The following HINT3 variants were observed in gnomAD, a reference collection of about 807,000 sequenced individuals.
The protein encoded by HINT3 is adenosine 5'-monophosphoramidase HINT3.
A neutral mutation model predicts 19.1 loss-of-function variants in HINT3; 16 were observed. That is an observed-to-expected ratio of 0.84 (90% CI 0.57 to 1.27). HINT3 has a LOEUF of 1.27. HINT3 is among the 50% of genes most tolerant of loss of function. HINT3 has a pLI of 0.00. For synonymous variants in HINT3, 75 were observed against 84.8 expected (o/e 0.88, Z 0.63); for missense variants, 197 against 225.8 (o/e 0.87, Z 0.82).
intron 1 of HINT3, among the ~76,000 whole-genome samples, chr6:125,963,030 C>T (rs1187799375): frequency 6.6e-6 from 1 of 152,166 alleles, no homozygotes; most frequent in Non-Finnish European, 1.5e-5. Context: ...GGAAATAACT[C>T]AGTGCCAATT....
intron 2 of HINT3, among the ~76,000 whole-genome samples, chr6:125,970,494 G>C (rs1789081983): frequency 6.6e-6 from 1 of 152,114 alleles, no homozygotes; most frequent in Non-Finnish European, 1.5e-5. Flanking sequence ...ATCAAATATT[G>C]CTAATTTTGA....
chr6:125,961,736 A>G (rs1056619958), intron 1 of HINT3, among the ~76,000 whole-genome samples: 2 of 151,918 alleles, frequency 1.3e-5, no homozygotes, highest in African/African-American at 2.4e-5. Flanking sequence ...AGCTCTCTAA[A>G]CTCTGTTCTC....
At chr6:125,970,895 GC>G (rs1313046025) in intron 2 of HINT3, among the ~76,000 whole-genome samples, 1 of 152,156 alleles carries the variant, frequency 6.6e-6, no homozygotes, top group Non-Finnish European at 1.5e-5. Context: ...GTAATTTGGA[GC>G]TTTTTTTTGG....
rs1426413425 is a variant in HINT3, at chr6:125,979,102, G to A, written c.*1426G>A. The stretch of plus-strand genomic sequence containing the variant: ...CTGAGTATTCAAGACTGAATGTTAG[G>A]CAGGTAGACAGTGACTGGTTAGGCT... On this transcript the variant is annotated 3_prime_UTR_variant, in exon 5 of 5. Coordinates refer to ENST00000229633, the MANE Select transcript of HINT3 (RefSeq NM_138571.5). The A allele has an allele frequency of 6.6e-6, 1 of 152,170 alleles. No homozygotes were observed. The highest frequency in any genetic ancestry group is 2.4e-5 in the African/African-American group (1 of 41,434). The allele number at this position is 152,170 out of a possible 1,614,324, so 9.4% of individuals were successfully genotyped here. A position where few individuals can be genotyped will look rare whatever the true frequency, so the allele number is the denominator to read the frequency against.
intron 2 of HINT3, among the ~76,000 whole-genome samples, chr6:125,971,834 C>T (rs543693658): frequency 1.3e-5 from 2 of 151,362 alleles, no homozygotes; most frequent in East Asian, 3.9e-4. Flanking sequence ...CTCAGCCTCC[C>T]GAGTAGCTGG....
chr6:125,974,976 G>T lies in HINT3; in HGVS notation c.516+3G>T. On this transcript the variant is annotated splice_donor_region_variant and intron_variant, in intron 4 of 4. Coordinates refer to ENST00000229633, the MANE Select transcript of HINT3 (RefSeq NM_138571.5). ...TCAATTCCTATTGGTTTATCACAGT[G>T]AGTATTCTTGTTATGTCAGCAGCAT... 6.2e-7 allele frequency: 1 copy of T among 1,612,848 alleles called. No individual in the cohort carries two copies. The highest frequency in any genetic ancestry group is 1.3e-5 in the African/African-American group (1 of 74,962).
In HINT3 at chr6:125,964,799, G is replaced by A. The variant is rs182555562; in HGVS notation, c.202-2088G>A. Among the ~76,000 whole-genome samples, 61 of 151,336 alleles carry A rather than the reference G, an allele frequency of 4.0e-4. 1 individual carries two copies. Among genetic ancestry groups the A allele is most frequent in the Admixed American group, 3.6e-3 (54 of 15,168 alleles). On this transcript the variant is annotated intron_variant, in intron 1 of 4. Coordinates refer to ENST00000229633, the MANE Select transcript of HINT3 (RefSeq NM_138571.5). The stretch of plus-strand genomic sequence containing the variant: ...ACAATCATTTCATATTTTTGCCAGC[G>A]TATCTATGGAATAGGAGGATCATTT...
intron 1 of HINT3, among the ~76,000 whole-genome samples, chr6:125,958,682 C>G (rs1024985742): frequency 1.1e-4 from 17 of 152,150 alleles, no homozygotes; most frequent in African/African-American, 4.1e-4. Context: ...CAATTTTGCC[C>G]TCCCAGGGTA....
Position 125,970,726 on chromosome 6 carries a change from T to A in HINT3, c.320-1533T>A, listed in dbSNP as rs892655168. Among the ~76,000 whole-genome samples the A allele has an allele frequency of 2.6e-5, 4 of 152,310 alleles. No homozygotes were observed. The East Asian group carries it at 5.8e-4, about 22-fold the overall frequency. On this transcript the variant is annotated intron_variant, in intron 2 of 4. Coordinates refer to ENST00000229633, the MANE Select transcript of HINT3 (RefSeq NM_138571.5). ...ACTTAAATACAGCATACATGTTTTT[T>A]AAAAAGCATATGTTCACCAAAGTTG...
At chr6:125,973,235 C>CTGGCTAGCTTTTGTA (rs1789134470) in intron 3 of HINT3, among the ~76,000 whole-genome samples, 1 of 151,704 alleles carries the variant, frequency 6.6e-6, no homozygotes, top group African/African-American at 2.4e-5. Context: ...GCCACCATGC[C>CTGGCTAGCTTTTGTA]TGGCTAGCTT....
intron 1 of HINT3, among the ~76,000 whole-genome samples, chr6:125,962,215 T>C (rs548641764): frequency 0.057 from 1,214 of 21,164 alleles, 78 homozygotes; most frequent in East Asian, 0.22. Context: ...TATATACACA[T>C]ATATATATAT....
At position 125,979,934 on chromosome 6, in the gene HINT3, C is replaced by T. The variant is rs1225412230; in HGVS notation, c.*2258C>T. The T allele has an allele frequency of 6.6e-6, 1 of 152,234 alleles. No homozygotes were observed. Among genetic ancestry groups the T allele is most frequent in the African/African-American group, 2.4e-5 (1 of 41,436 alleles). The allele number at this position is 152,234 out of a possible 1,614,324, so 9.4% of individuals were successfully genotyped here. A position where few individuals can be genotyped will look rare whatever the true frequency, so the allele number is the denominator to read the frequency against. Reference sequence around the variant, plus strand: ...GCGTTCAGGGTGGTATGGCCGTAGACAACCTATTTGTTAAAAACCCTTGGA... The same window carrying T: ...GCGTTCAGGGTGGTATGGCCGTAGATAACCTATTTGTTAAAAACCCTTGGA... On this transcript the variant is annotated 3_prime_UTR_variant, in exon 5 of 5. Transcript: ENST00000229633.
intron 4 of HINT3, among the ~76,000 whole-genome samples, chr6:125,977,352 A>G (rs1015344505): frequency 1.3e-5 from 2 of 152,116 alleles, no homozygotes; most frequent in Non-Finnish European, 2.9e-5. Flanking sequence ...ACTTAGTAAT[A>G]TGCATTTCAG....
At chr6:125,959,303 A>C (rs1788885442) in intron 1 of HINT3, among the ~76,000 whole-genome samples, 1 of 152,208 alleles carries the variant, frequency 6.6e-6, no homozygotes, top group Admixed American at 6.5e-5. Context: ...CTAACATCAT[A>C]AGGGACAGAC....
At chr6:125,957,714 A>T (rs1031524693) in intron 1 of HINT3, among the ~76,000 whole-genome samples, 1 of 152,180 alleles carries the variant, frequency 6.6e-6, no homozygotes, top group African/African-American at 2.4e-5. Context: ...CTATTATTGA[A>T]TTGCCTCTGA....
intron 2 of HINT3, among the ~76,000 whole-genome samples, chr6:125,968,133 A>G (rs1009013152): frequency 5.6e-4 from 86 of 152,296 alleles, no homozygotes; most frequent in African/African-American, 2.0e-3. Context: ...ATAGTACCCA[A>G]CAGTTAGGTT....
At chr6:125,971,561 G>T (rs933071772) in intron 2 of HINT3, among the ~76,000 whole-genome samples, 4 of 151,796 alleles carry the variant, frequency 2.6e-5, no homozygotes, top group East Asian at 1.9e-4. Flanking sequence ...TTGAGAGAGG[G>T]TCTCACTCTG....
intron 2 of HINT3, among the ~76,000 whole-genome samples, chr6:125,968,732 T>C (rs549099311): frequency 2.0e-4 from 31 of 152,204 alleles, no homozygotes; most frequent in Non-Finnish European, 3.4e-4. Flanking sequence ...TAGTATCTTA[T>C]TGTGGGTTTG....
intron 4 of HINT3, among the ~76,000 whole-genome samples, chr6:125,975,843 TG>T (rs1197647208): frequency 2.0e-5 from 3 of 152,232 alleles, no homozygotes; most frequent in Non-Finnish European, 2.9e-5. Context: ...CCCAAAGTGC[TG>T]GGATTACAGG....
Sources: allele counts gnomAD v4.1 joint callset (sites outside exome capture counted in the v4.1 genomes callset), GRCh38; gene constraint gnomAD v4.1.1; transcripts MANE v1.5; gene names NCBI Gene and HGNC (gene_info 2026-07-23, HGNC 2026-07-21).